The following SLIT2 variants were observed in gnomAD, a reference collection of about 807,000 sequenced individuals.
SLIT2 encodes the protein slit guidance ligand 2.
Under a neutral mutation model 185.7 loss-of-function variants are expected in SLIT2, and 41 were observed. The ratio of observed to expected loss-of-function variants is 0.22; its 90% CI spans 0.17 to 0.29. The LOEUF (loss-of-function observed/expected upper bound fraction) is 0.29, where lower values mean the gene tolerates loss of function less well. SLIT2 is among the 10% of genes least tolerant of loss of function. The pLI is 1.00. For missense variants in SLIT2, 1,571 were observed against 1,909.0 expected (o/e 0.82, Z 3.30); for synonymous variants, 693 against 680.2 (o/e 1.02, Z -0.29).
intron 4 of SLIT2, among the ~76,000 whole-genome samples, chr4:20,446,896 A>G (rs543200802): frequency 1.3e-5 from 2 of 152,354 alleles, no homozygotes; most frequent in African/African-American, 4.8e-5. Flanking sequence ...ATGATATTAT[A>G]TGTTTATGAA....
At chr4:20,531,524 A>G (rs1721810623) in intron 16 of SLIT2, among the ~76,000 whole-genome samples, 1 of 152,162 alleles carries the variant, frequency 6.6e-6, no homozygotes, top group Non-Finnish European at 1.5e-5. Context: ...GGTAATGAAA[A>G]TGTTCTGGAA....
Position 20,573,320 on chromosome 4 carries a change from T to C in SLIT2, c.3088+4316T>C, listed in dbSNP as rs189692672. The stretch of plus-strand genomic sequence containing the variant: ...TTTAGTCTCCCTCTTTCTTGTAAAG[T>C]TACATAGATTTCACTGCGGGTACAC... On this transcript the variant is annotated intron_variant, in intron 29 of 36. Coordinates refer to ENST00000504154, the MANE Select transcript of SLIT2 (RefSeq NM_004787.4). 8.8e-5 allele frequency: 62 copies of C among 702,800 alleles called. No individual in the cohort carries two copies. In the East Asian group the frequency reaches 1.7e-3, roughly 19 times the overall value. 43.5% of individuals were successfully genotyped at this position (702,800 alleles called of 1,614,324 possible).
chr4:20,395,587 A>G (rs936109489), intron 4 of SLIT2, among the ~76,000 whole-genome samples: 8 of 152,036 alleles, frequency 5.3e-5, no homozygotes, highest in Non-Finnish European at 1.2e-4. Context: ...TTAAATAATC[A>G]TAGCATCATT....
intron 6 of SLIT2, among the ~76,000 whole-genome samples, chr4:20,481,529 TAC>T (rs1157385088): frequency 5.9e-5 from 9 of 152,300 alleles, no homozygotes; most frequent in Non-Finnish European, 8.8e-5. Context: ...GGTTTTTTAA[TAC>T]ACTTACAATT....
chr4:20,592,768 C>T (rs1727612708), intron 30 of SLIT2, among the ~76,000 whole-genome samples: 1 of 152,104 alleles, frequency 6.6e-6, no homozygotes, highest in African/African-American at 2.4e-5. Context: ...TTGTCCATCT[C>T]TTTGAGAATG....
At chr4:20,306,169 G>C (rs1405551999) in intron 4 of SLIT2, among the ~76,000 whole-genome samples, 1 of 152,110 alleles carries the variant, frequency 6.6e-6, no homozygotes, top group African/African-American at 2.4e-5. Flanking sequence ...AAAGCAGCAG[G>C]GGGCAGTAGA....
rs760579992 is a variant in SLIT2 at position 20,524,284 on chromosome 4, T to C, written c.1438+107T>C. The C allele has an allele frequency of 2.7e-4, 256 of 944,864 alleles. 3 individuals are homozygous for C. Among genetic ancestry groups the C allele is most frequent in the Admixed American group, 4.8e-4 (20 of 41,374 alleles). The allele number at this position is 944,864 out of a possible 1,614,324, so 58.5% of individuals were successfully genotyped here. A position where few individuals can be genotyped will look rare whatever the true frequency, so the allele number is the denominator to read the frequency against. Reference sequence around the variant, plus strand: ...GATTAGTGAACACTGTAGAATCATATTTCTTTTTCTTCTGCCCATGAATAA... The same window carrying C: ...GATTAGTGAACACTGTAGAATCATACTTCTTTTTCTTCTGCCCATGAATAA... On this transcript the variant is annotated intron_variant, in intron 14 of 36. Coordinates refer to ENST00000504154, the MANE Select transcript of SLIT2 (RefSeq NM_004787.4).
At chr4:20,274,594 A>G (rs1400323866) in intron 4 of SLIT2, among the ~76,000 whole-genome samples, 1 of 152,198 alleles carries the variant, frequency 6.6e-6, no homozygotes, top group African/African-American at 2.4e-5. Context: ...CTTCAAAGGA[A>G]TTACTAATAG....
chr4:20,527,382 T>C (rs1443086725), intron 15 of SLIT2, among the ~76,000 whole-genome samples: 1 of 151,736 alleles, frequency 6.6e-6, no homozygotes, highest in Non-Finnish European at 1.5e-5. Flanking sequence ...GCCTCCCGAG[T>C]TCATGCCATT....
At chr4:20,275,669 T>C (rs1197392005) in intron 4 of SLIT2, among the ~76,000 whole-genome samples, 2 of 152,186 alleles carry the variant, frequency 1.3e-5, no homozygotes, top group Non-Finnish European at 2.9e-5. Flanking sequence ...ATGTTATTTC[T>C]CTTTACTTGG....
At chr4:20,309,046 ATAAT>A (rs1368159305) in intron 4 of SLIT2, among the ~76,000 whole-genome samples, 4 of 152,182 alleles carry the variant, frequency 2.6e-5, no homozygotes, top group African/African-American at 7.2e-5. Context: ...CATTATTATC[ATAAT>A]TAATTCAAAA....
chr4:20,289,109 C>CATGTGGGG (rs1362022165), intron 4 of SLIT2, among the ~76,000 whole-genome samples: 3 of 152,170 alleles, frequency 2.0e-5, no homozygotes, highest in Non-Finnish European at 4.4e-5. Context: ...GGTGCTGATG[C>CATGTGGGG]ATGTGGGGAA....
At chr4:20,400,934 A>G (rs1285685964) in intron 4 of SLIT2, among the ~76,000 whole-genome samples, 1 of 151,834 alleles carries the variant, frequency 6.6e-6, no homozygotes, top group African/African-American at 2.4e-5. Context: ...CTGAACTCTG[A>G]GATTTTTCCA....
chr4:20,553,735 T>TTGTGTGTGTGTGTGTG, intron 25 of SLIT2, 70 bp from the exon 26 acceptor site: 2 of 1,119,334 alleles, frequency 1.8e-6, no homozygotes, highest in Admixed American at 3.1e-5. Context: ...ACTTCCATAC[T>TTGTGTGTGTGTGTGTG]TGTGTGTGTG....
At chr4:20,601,327 G>A (rs1014546572) in intron 33 of SLIT2, among the ~76,000 whole-genome samples, 10 of 152,196 alleles carry the variant, frequency 6.6e-5, no homozygotes, top group Admixed American at 6.5e-4. Flanking sequence ...ACAAATAATA[G>A]TGTCCTTTTT....
At chr4:20,339,090 CAA>C (rs398051113) in intron 4 of SLIT2, among the ~76,000 whole-genome samples, 2,332 of 70,666 alleles carry the variant, frequency 0.033, 11 homozygotes, top group Non-Finnish European at 0.046. Context: ...GAGACACTCT[CAA>C]AAAAAAAAAA....
chr4:20,388,975 A>AAT (rs1279740193), intron 4 of SLIT2, among the ~76,000 whole-genome samples: 4 of 145,416 alleles, frequency 2.8e-5, no homozygotes, highest in Non-Finnish European at 6.1e-5. Context: ...TATATGTCAA[A>AAT]ATATATATAT....
At chr4:20,388,820 T>C (rs1363872776) in intron 4 of SLIT2, among the ~76,000 whole-genome samples, 1 of 143,534 alleles carries the variant, frequency 7.0e-6, no homozygotes, top group South Asian at 2.1e-4. Context: ...ATATGTAAAA[T>C]ATATATAATA....
At chr4:20,567,037 T>C (rs1483806676) in intron 26 of SLIT2, among the ~76,000 whole-genome samples, 1 of 151,996 alleles carries the variant, frequency 6.6e-6, no homozygotes, top group Non-Finnish European at 1.5e-5. Context: ...AGTCCCACAC[T>C]GACTTCAGAG....
Sources: allele counts gnomAD v4.1 joint callset (sites outside exome capture counted in the v4.1 genomes callset), GRCh38; gene constraint gnomAD v4.1.1; transcripts MANE v1.5; gene names NCBI Gene and HGNC (gene_info 2026-07-23, HGNC 2026-07-21).